The following CADPS2 variants were observed in gnomAD, a reference collection of about 807,000 sequenced individuals.
The protein encoded by CADPS2 is calcium dependent secretion activator 2.
A neutral mutation model predicts 172.5 loss-of-function variants in CADPS2; 93 were observed. The ratio of observed to expected loss-of-function variants is 0.54; its 90% CI spans 0.46 to 0.64. The LOEUF (loss-of-function observed/expected upper bound fraction) is 0.64, where lower values mean the gene tolerates loss of function less well. CADPS2 is among the 30% of genes least tolerant of loss of function. The pLI is 0.00. For missense variants in CADPS2, 1,420 were observed against 1,565.9 expected (o/e 0.91, Z 1.57); for synonymous variants, 546 against 555.2 (o/e 0.98, Z 0.23).
chr7:122,538,292 T>C (rs956788109), intron 8 of CADPS2, among the ~76,000 whole-genome samples: 1 of 149,460 alleles, frequency 6.7e-6, no homozygotes, highest in African/African-American at 2.4e-5. Context: ...ATTTAACTTA[T>C]AAGCAGAGAT....
chr7:122,519,168 T>C (rs899679763), intron 8 of CADPS2, among the ~76,000 whole-genome samples: 1 of 152,100 alleles, frequency 6.6e-6, no homozygotes, highest in Admixed American at 6.6e-5. Context: ...AGGTATCCCA[T>C]TGTACATGAC....
At chr7:122,830,940 A>G (rs546674966) in intron 1 of CADPS2, among the ~76,000 whole-genome samples, 8 of 151,018 alleles carry the variant, frequency 5.3e-5, no homozygotes, top group African/African-American at 1.7e-4. Flanking sequence ...GAACTTAAAA[A>G]CAAATAGAAA....
chr7:122,706,261 TATATATATGTTTATATATTCAAGGA>T (rs1190374428), intron 2 of CADPS2, among the ~76,000 whole-genome samples: 8 of 20,890 alleles, frequency 3.8e-4, no homozygotes, highest in African/African-American at 6.9e-4. Context: ...ATTCAAGGAA[TATATATATGTTTATATATTCAAGGA>T]ATATATATAT....
chr7:122,702,831 T>C (rs117830557), intron 2 of CADPS2: 14,264 of 1,088,788 alleles, frequency 0.013, 138 homozygotes, highest in East Asian at 0.044. Context: ...AGATAGCTTG[T>C]TGGCGGCAGA....
At chr7:122,820,096 C>G (rs983215902) in intron 1 of CADPS2, among the ~76,000 whole-genome samples, 1 of 152,162 alleles carries the variant, frequency 6.6e-6, no homozygotes, top group Non-Finnish European at 1.5e-5. Context: ...GCCTATCCAC[C>G]CTGTGGTGCC....
chr7:122,414,141 T>A, intron 18 of CADPS2, 65 bp from the exon 19 acceptor site: 1 of 1,297,178 alleles, frequency 7.7e-7, no homozygotes, highest in Non-Finnish European at 1.0e-6. Context: ...TTACAAAACA[T>A]CTTTAAAAAA....
At chr7:122,826,585 C>A (rs1804942634) in intron 1 of CADPS2, among the ~76,000 whole-genome samples, 2 of 150,492 alleles carry the variant, frequency 1.3e-5, no homozygotes, top group Admixed American at 6.6e-5. Flanking sequence ...AAAGCCTCAG[C>A]AAAGGAAAAG....
chr7:122,831,613 C>T (rs532385207), intron 1 of CADPS2, among the ~76,000 whole-genome samples: 12 of 152,240 alleles, frequency 7.9e-5, no homozygotes, highest in African/African-American at 1.2e-4. Context: ...GAATTTCAAC[C>T]GCCTGAACCT....
intron 17 of CADPS2, among the ~76,000 whole-genome samples, chr7:122,429,205 G>A (rs1309720262): frequency 6.6e-6 from 1 of 151,264 alleles, no homozygotes; most frequent in Non-Finnish European, 1.5e-5. Flanking sequence ...TGCTAATATA[G>A]GGATAACTCA....
intron 27 of CADPS2, among the ~76,000 whole-genome samples, chr7:122,346,020 C>A (rs1253686552): frequency 6.8e-6 from 1 of 147,918 alleles, no homozygotes; most frequent in Non-Finnish European, 1.5e-5. Context: ...ATTATAATTT[C>A]CCAGTTGCAA....
intron 14 of CADPS2, among the ~76,000 whole-genome samples, chr7:122,470,652 G>A (rs1403546952): frequency 2.6e-5 from 4 of 151,788 alleles, no homozygotes; most frequent in Admixed American, 6.6e-5. Flanking sequence ...GCACCACCAC[G>A]CCCAGCTAAT....
intron 1 of CADPS2, among the ~76,000 whole-genome samples, chr7:122,753,380 A>G (rs1284813878): frequency 6.6e-6 from 1 of 152,194 alleles, no homozygotes; most frequent in African/African-American, 2.4e-5. Flanking sequence ...TTTTAAAGCA[A>G]TAACTGCCTC....
At chr7:122,539,909 T>C (rs374249322) in intron 8 of CADPS2, among the ~76,000 whole-genome samples, 63 of 152,222 alleles carry the variant, frequency 4.1e-4, no homozygotes, top group African/African-American at 1.5e-3. Context: ...TTTTTCCATT[T>C]TCCTAATGTG....
chr7:122,461,049 A>G (rs907518249), intron 14 of CADPS2, among the ~76,000 whole-genome samples: 4 of 152,220 alleles, frequency 2.6e-5, no homozygotes, highest in Admixed American at 6.5e-5. Context: ...CAGAGACTAC[A>G]TGGTCAAAAA....
At chr7:122,321,286 C>T (rs552096156) in intron 29 of CADPS2, among the ~76,000 whole-genome samples, 44 of 152,124 alleles carry the variant, frequency 2.9e-4, no homozygotes, top group Non-Finnish European at 5.4e-4. Context: ...GCCACCTTAG[C>T]CTCCTGAGGA....
intron 1 of CADPS2, among the ~76,000 whole-genome samples, chr7:122,845,574 T>C (rs1270439163): frequency 6.6e-6 from 1 of 152,174 alleles, no homozygotes; most frequent in East Asian, 1.9e-4. Flanking sequence ...CCTTTCTCCA[T>C]TCTCCTCGCT....
At chr7:122,701,367 A>C (rs1183340835) in intron 2 of CADPS2, among the ~76,000 whole-genome samples, 1 of 152,010 alleles carries the variant, frequency 6.6e-6, no homozygotes, top group Admixed American at 6.6e-5. Flanking sequence ...GCATGTTCTC[A>C]CTCATAGGTG....
At chr7:122,700,994 A>C (rs2085965187) in intron 2 of CADPS2, among the ~76,000 whole-genome samples, 1 of 152,146 alleles carries the variant, frequency 6.6e-6, no homozygotes, top group Non-Finnish European at 1.5e-5. Flanking sequence ...GGTATTAATA[A>C]AATTAATTAA....
At chr7:122,557,195 T>G (rs115512496) in intron 7 of CADPS2, among the ~76,000 whole-genome samples, 1,777 of 152,168 alleles carry the variant, frequency 0.012, 36 homozygotes, top group African/African-American at 0.04. Context: ...GTTTTCAGGC[T>G]CCCAAATTGC....
Sources: allele counts gnomAD v4.1 joint callset (sites outside exome capture counted in the v4.1 genomes callset), GRCh38; gene constraint gnomAD v4.1.1; transcripts MANE v1.5; gene names NCBI Gene and HGNC (gene_info 2026-07-23, HGNC 2026-07-21).